The following TCF3 variants were observed in gnomAD, a reference collection of about 807,000 sequenced individuals.
TCF3 encodes transcription factor E2-alpha.
Under a neutral mutation model 72.3 loss-of-function variants are expected in TCF3, and 54 were observed. That is an observed-to-expected ratio of 0.75 (90% CI 0.60 to 0.94). TCF3 has a LOEUF of 0.94. TCF3 is among the 40% of genes least tolerant of loss of function. The pLI is 0.00. For synonymous variants in TCF3, 525 were observed against 412.6 expected (o/e 1.27, Z -3.30); for missense variants, 1,078 against 934.4 (o/e 1.15, Z -2.00).
In TCF3 at chr19:1,647,946, G is replaced by A. The variant is rs142122254; in HGVS notation, c.73-1519C>T. On this transcript the variant is annotated intron_variant, in intron 2 of 18. Coordinates refer to ENST00000262965, the MANE Select transcript of TCF3 (RefSeq NM_003200.5). ...AGTCTCGCACGCGGCAGGGCCTGGG[G>A]AGCTCGCTTCCAACAGCCTCGGTCC... Among the ~76,000 whole-genome samples, 17 of 152,306 alleles carry A rather than the reference G, an allele frequency of 1.1e-4. No homozygotes were observed. The East Asian group carries it at 3.3e-3, about 29-fold the overall frequency.
At chr19:1,649,409 C>A (rs368472964) in intron 2 of TCF3, among the ~76,000 whole-genome samples, 1 of 147,538 alleles carries the variant, frequency 6.8e-6, no homozygotes, top group East Asian at 2.1e-4. Context: ...GCACTGGGCA[C>A]CCCCTCCTTT....
At chr19:1,637,936 A>T (rs770985488) in intron 3 of TCF3, among the ~76,000 whole-genome samples, 1 of 152,138 alleles carries the variant, frequency 6.6e-6, no homozygotes, top group Non-Finnish European at 1.5e-5. Context: ...AAAAAGAGAC[A>T]CAAGAGGGAA....
At chr19:1,612,455 T>C in intron 18 of TCF3, 2 of 1,591,382 alleles carry the variant, frequency 1.3e-6, no homozygotes, top group Non-Finnish European at 1.7e-6. Context: ...CACCGAGGCC[T>C]CTGTTAGTGA....
At chr19:1,622,256 G>C (rs767424288) in intron 9 of TCF3, 33 bp from the exon 10 acceptor site, 1 of 1,513,718 alleles carries the variant, frequency 6.6e-7, no homozygotes, top group Non-Finnish European at 8.9e-7. Context: ...TGGGGGCCGA[G>C]TGGGGAACCC....
At chr19:1,647,660 G>A (rs917124511) in intron 2 of TCF3, among the ~76,000 whole-genome samples, 1 of 152,206 alleles carries the variant, frequency 6.6e-6, no homozygotes, top group Non-Finnish European at 1.5e-5. Flanking sequence ...ACCTCCAAGG[G>A]CCAACCTCTC....
At position 1,645,498 on chromosome 19, in the gene TCF3, C is replaced by T. The variant is rs115684467; in HGVS notation, c.145+857G>A. On this transcript the variant is annotated intron_variant, in intron 3 of 18. Coordinates refer to ENST00000262965, the MANE Select transcript of TCF3 (RefSeq NM_003200.5). ...CCTAGCCCGCCCCGCCGGCCGGTCC[C>T]ACCGCAGGGCGTCCGTACGGGCTGC... Among the ~76,000 whole-genome samples, 723 of 151,248 alleles carry T rather than the reference C, an allele frequency of 4.8e-3. 5 individuals carry two copies. Among genetic ancestry groups the T allele is most frequent in the African/African-American group, 0.017 (697 of 40,542 alleles).
chr19:1,621,967 A>G lies in TCF3; in HGVS notation c.826T>C (p.Tyr276His), dbSNP rs2062282878. Residue 276 changes from tyrosine (Y) to histidine (H), a missense_variant, in exon 11 of 19, where the codon TAC becomes CAC. Physicochemically the swap from Tyr to His is moderately conservative, Grantham distance 83. Coordinates refer to ENST00000262965, the MANE Select transcript of TCF3 (RefSeq NM_003200.5). ...TTCACCTCTGCTCCATGCAGCTGGTAGCCCTGGGGGGTCAGGCAGGAGGAG... is the reference window on the plus strand; with the variant it reads ...TTCACCTCTGCTCCATGCAGCTGGTGGCCCTGGGGGGTCAGGCAGGAGGAG... ...GGLHQHERMG[Y>H]QLHGAEVNGG... is the part of the protein sequence containing the mutation. The G allele has an allele frequency of 6.2e-7, 1 of 1,605,476 alleles. No individual in the cohort carries two copies. Among genetic ancestry groups the G allele is most frequent in the Non-Finnish European group, 8.5e-7 (1 of 1,176,372 alleles).
chr19:1,633,062 C>A (rs1197898527), intron 3 of TCF3, among the ~76,000 whole-genome samples: 1 of 143,792 alleles, frequency 7.0e-6, no homozygotes, highest in Non-Finnish European at 1.5e-5. Flanking sequence ...CCCGGCGCAG[C>A]AAGGGACGGG....
chr19:1,627,744 G>A (rs931380220), intron 5 of TCF3, among the ~76,000 whole-genome samples: 10 of 152,030 alleles, frequency 6.6e-5, no homozygotes, highest in African/African-American at 1.7e-4. Context: ...TGCCCAGGGG[G>A]TGGGGCGGAA....
chr19:1,649,458 G>A (rs1320647338), intron 2 of TCF3, among the ~76,000 whole-genome samples: 2 of 152,198 alleles, frequency 1.3e-5, no homozygotes, highest in African/African-American at 4.8e-5. Context: ...CGCCCAGGAA[G>A]GAGTGCAGTG....
In TCF3 at chr19:1,621,319, G is replaced by A. The variant is rs987895352; in HGVS notation, c.956-128C>T. ...AGGGAGAGCAGCCTGACTCGGGTCC[G>A]GTTTCTGTCTGACCCCCTGAAACCA... On this transcript the variant is annotated intron_variant, in intron 11 of 18. Coordinates refer to ENST00000262965, the MANE Select transcript of TCF3 (RefSeq NM_003200.5). 56 of 1,182,458 alleles carry A rather than the reference G, an allele frequency of 4.7e-5. 1 individual carries two copies. The highest frequency in any genetic ancestry group is 4.6e-5 in the South Asian group (3 of 65,518). 73.2% of individuals were successfully genotyped at this position (1,182,458 alleles called of 1,614,324 possible).
In TCF3 at chr19:1,650,252, C is replaced by T. The variant is rs1423551957; in HGVS notation, c.-4G>A. The T allele has an allele frequency of 1.9e-6, 3 of 1,560,714 alleles. No individual in the cohort carries two copies. Among genetic ancestry groups the T allele is most frequent in the Non-Finnish European group, 2.6e-6 (3 of 1,153,568 alleles). Reference sequence around the variant, plus strand: ...CCATCCTCTGCGGCTGGTTCATTCTCCTGGGGCCAGGGCGGGCACCTCAGG... The same window carrying T: ...CCATCCTCTGCGGCTGGTTCATTCTTCTGGGGCCAGGGCGGGCACCTCAGG... On this transcript the variant is annotated 5_prime_UTR_variant, in exon 2 of 19. Coordinates refer to ENST00000262965, the MANE Select transcript of TCF3 (RefSeq NM_003200.5).
intron 1 of TCF3, among the ~76,000 whole-genome samples, chr19:1,651,799 G>C (rs111423332): frequency 6.8e-6 from 1 of 148,124 alleles, no homozygotes; most frequent in African/African-American, 2.5e-5. Context: ...TTACCCGCGC[G>C]CCCCCCCCCG....
intron 3 of TCF3, among the ~76,000 whole-genome samples, chr19:1,634,010 A>G (rs956758897): frequency 1.3e-5 from 2 of 152,184 alleles, no homozygotes; most frequent in East Asian, 1.9e-4. Flanking sequence ...CCCAGCCCTC[A>G]TCCCCTGGAA....
intron 8 of TCF3, among the ~76,000 whole-genome samples, chr19:1,622,860 G>A (rs1010492467): frequency 6.6e-6 from 1 of 152,216 alleles, no homozygotes; most frequent in African/African-American, 2.4e-5. Context: ...AAAGTAACAG[G>A]AAGAGGGGTC....
chr19:1,646,578 A>C, intron 2 of TCF3, 151 bp from the exon 3 acceptor site: 1 of 672,574 alleles, frequency 1.5e-6, no homozygotes, highest in East Asian at 2.8e-5. Context: ...GCTCCGCCCC[A>C]TCACAGACCA....
intron 7 of TCF3, among the ~76,000 whole-genome samples, chr19:1,624,705 G>A (rs141374104): frequency 9.3e-4 from 141 of 152,318 alleles, no homozygotes; most frequent in African/African-American, 2.7e-3. Context: ...ACGGACGTGC[G>A]CACAGTGGGA....
chr19:1,649,037 G>A (rs1173029029), intron 2 of TCF3, among the ~76,000 whole-genome samples: 2 of 152,228 alleles, frequency 1.3e-5, no homozygotes, highest in Non-Finnish European at 1.5e-5. Context: ...TGACTTCTGA[G>A]GACCAGCACC....
chr19:1,633,544 T>TC (rs938335143), intron 3 of TCF3, among the ~76,000 whole-genome samples: 6 of 152,104 alleles, frequency 3.9e-5, no homozygotes, highest in Non-Finnish European at 7.4e-5. Context: ...TGTTAATCAT[T>TC]CCCCCCGGGG....
Sources: gnomAD v4.1 joint callset for allele counts (sites outside exome capture counted in the v4.1 genomes callset) on GRCh38, gnomAD v4.1.1 for gene constraint, MANE v1.5 for transcripts, NCBI Gene and HGNC (gene_info 2026-07-23, HGNC 2026-07-21) for gene names.